The following SLC25A28 variants were observed in gnomAD, a reference collection of about 807,000 sequenced individuals.
The protein encoded by SLC25A28 is mitoferrin-2.
A neutral mutation model predicts 31.9 loss-of-function variants in SLC25A28; 10 were observed. The observed-to-expected ratio is 0.31, with a 90% CI of 0.19 to 0.53. The LOEUF (loss-of-function observed/expected upper bound fraction) is 0.53. Among genes scored for constraint, SLC25A28 ranks in the 20% least tolerant of loss-of-function variants. SLC25A28 has a pLI of 0.95. For synonymous variants in SLC25A28, 208 were observed against 203.6 expected, an observed-to-expected ratio of 1.02 and a Z score of -0.19; for missense variants, 256 against 490.3, an observed-to-expected ratio of 0.52 and a Z score of 4.51.
the SLC25A28 span, among the ~76,000 whole-genome samples, chr10:99,649,809 C>T: frequency 6.6e-6 from 1 of 152,158 alleles, no homozygotes; most frequent in East Asian, 1.9e-4. Flanking sequence ...TTTAATGTCT[C>T]ATTTTTCATA....
chr10:99,648,629 T>G, the SLC25A28 span, among the ~76,000 whole-genome samples: 1 of 152,028 alleles, frequency 6.6e-6, no homozygotes, highest in Non-Finnish European at 1.5e-5. Context: ...CTTTCATCAA[T>G]GTTTTGTAGT....
At chr10:99,648,895 A>G in the SLC25A28 span, among the ~76,000 whole-genome samples, 2 of 152,174 alleles carry the variant, frequency 1.3e-5, no homozygotes, top group African/African-American at 2.4e-5. Flanking sequence ...AGATCATATC[A>G]TCAGCAAACA....
intron 1 of SLC25A28, among the ~76,000 whole-genome samples, chr10:99,614,580 C>T (rs7076270): frequency 0.85 from 129,176 of 152,224 alleles, 54,986 homozygotes; most frequent in Middle Eastern, 0.92. Context: ...CTAATTTAAA[C>T]TGATTGAATC....
chr10:99,623,164 G>C (rs1313073738), upstream of SLC25A28, among the ~76,000 whole-genome samples: 3 of 152,188 alleles, frequency 2.0e-5, no homozygotes, highest in Non-Finnish European at 2.9e-5. Context: ...GCCAGCAGAA[G>C]GAACAGTAGG....
upstream of SLC25A28, chr10:99,620,695 AG>A: frequency 1.0e-6 from 1 of 986,188 alleles, no homozygotes; most frequent in South Asian, 4.7e-5. Context: ...GACTTTTAGA[AG>A]GGCGGGAGAA....
chr10:99,656,531 A>C, the SLC25A28 span, among the ~76,000 whole-genome samples: 1 of 152,180 alleles, frequency 6.6e-6, no homozygotes, highest in Non-Finnish European at 1.5e-5. Context: ...AGACAGGTGA[A>C]GAGAGATGGG....
chr10:99,610,839 C>A lies in SLC25A28; in HGVS notation c.*10G>T. ...TGTCATCTGAACCCCTGGCTTCGTT[C>A]AGTGCTACTTCACTTGCCAGCCCTC... On this transcript the variant is annotated 3_prime_UTR_variant, in exon 4 of 4. Transcript: ENST00000370495. 2 of 1,609,160 alleles carry A rather than the reference C, an allele frequency of 1.2e-6. No individual in the cohort carries two copies. Among genetic ancestry groups the A allele is most frequent in the South Asian group, 2.2e-5 (2 of 90,722 alleles).
the SLC25A28 span, among the ~76,000 whole-genome samples, chr10:99,646,072 ACTACT>A: frequency 6.6e-6 from 1 of 152,214 alleles, no homozygotes; most frequent in Admixed American, 6.5e-5. Flanking sequence ...TGGGAGAACC[ACTACT>A]CTCTTCAAAT....
chr10:99,647,435 T>A, the SLC25A28 span, among the ~76,000 whole-genome samples: 10 of 152,348 alleles, frequency 6.6e-5, no homozygotes, highest in South Asian at 2.1e-3. Flanking sequence ...CTTTTTCTTA[T>A]ATTCTTTGGC....
chr10:99,651,822 C>T, the SLC25A28 span, among the ~76,000 whole-genome samples: 1 of 151,940 alleles, frequency 6.6e-6, no homozygotes, highest in Non-Finnish European at 1.5e-5. Flanking sequence ...TGGCCGTGAA[C>T]TCCTCCCACC....
At chr10:99,638,658 A>G in the SLC25A28 span, among the ~76,000 whole-genome samples, 2 of 152,346 alleles carry the variant, frequency 1.3e-5, no homozygotes, top group Non-Finnish European at 2.9e-5. Flanking sequence ...AAGAAGATAT[A>G]CAAATGGCCA....
chr10:99,627,223 A>AGATT, the SLC25A28 span, among the ~76,000 whole-genome samples: 1 of 152,122 alleles, frequency 6.6e-6, no homozygotes, highest in African/African-American at 2.4e-5. Flanking sequence ...CCTAGGCGAC[A>AGATT]GACCGAGACA....
chr10:99,626,127 C>T, the SLC25A28 span, among the ~76,000 whole-genome samples: 2 of 152,220 alleles, frequency 1.3e-5, no homozygotes, highest in East Asian at 3.8e-4. Flanking sequence ...CTACCCCCTT[C>T]TCTGAACTGC....
chr10:99,616,621 A>T (rs1470380644), intron 1 of SLC25A28: 1 of 985,208 alleles, frequency 1.0e-6, no homozygotes, highest in Non-Finnish European at 1.2e-6. Context: ...GGCTATAATG[A>T]TTTACATGTC....
the SLC25A28 span, among the ~76,000 whole-genome samples, chr10:99,628,165 G>T: frequency 6.6e-6 from 1 of 152,112 alleles, no homozygotes; most frequent in Non-Finnish European, 1.5e-5. Flanking sequence ...ATCTCTCTTG[G>T]GACTATGATA....
At chr10:99,655,060 A>G in the SLC25A28 span, among the ~76,000 whole-genome samples, 1 of 152,254 alleles carries the variant, frequency 6.6e-6, no homozygotes, top group Admixed American at 6.5e-5. Context: ...TGCTTGACAA[A>G]TGCTTGAGGG....
Position 99,611,281 on chromosome 10 carries a change from G to A in SLC25A28, c.663C>T (p.Ala221=), listed in dbSNP as rs370504991. 10 of 1,613,948 alleles carry A rather than the reference G, an allele frequency of 6.2e-6. No homozygotes were observed. The highest frequency in any genetic ancestry group is 5.3e-5 in the African/African-American group (4 of 74,896). Residue 221 remains alanine, a synonymous_variant, in exon 4 of 4, where the codon GCC becomes GCT. Coordinates refer to ENST00000370495, the MANE Select transcript of SLC25A28 (RefSeq NM_031212.4). This position sits in a 1 kb window ranked among gnomAD's most constrained non-coding sequence, Gnocchi z 5.5. The part of the protein sequence containing the change: ...CVRAVWQNEG[A]GAFYRSYTTQ... ...TGGTGTAGCTGCGGTAAAAGGCCCC[G>A]GCCCCTTCATTTTGCCACACTGCCC...
Position 99,616,076 on chromosome 10 carries a change from A to G in SLC25A28, c.292-2152T>C, listed in dbSNP as rs574762412. 9.1e-6 allele frequency: 9 copies of G among 985,444 alleles called. No individual in the cohort carries two copies. In the African/African-American group the frequency reaches 1.2e-4, roughly 13 times the overall value. The allele number at this position is 985,444 out of a possible 1,614,324, so 61.0% of individuals were successfully genotyped here. ...ATATAAAAATGAATATGGCTCCCCA[A>G]ATTTGTGGGCCAATAAATCTGCCTT... is the stretch of plus-strand genomic sequence containing the variant. On this transcript the variant is annotated intron_variant, in intron 1 of 3. Coordinates refer to ENST00000370495, the MANE Select transcript of SLC25A28 (RefSeq NM_031212.4).
chr10:99,651,761 T>G, the SLC25A28 span, among the ~76,000 whole-genome samples: 2 of 151,858 alleles, frequency 1.3e-5, no homozygotes, highest in African/African-American at 4.8e-5. Flanking sequence ...TGGCATATAT[T>G]TTTATTTTTA....
Sources: gnomAD v4.1 joint callset for allele counts (sites outside exome capture counted in the v4.1 genomes callset) on GRCh38, gnomAD v4.1.1 for gene constraint, Gnocchi (gnomAD v3.1) non-coding constraint, MANE v1.5 for transcripts, NCBI Gene and HGNC (gene_info 2026-07-23, HGNC 2026-07-21) for gene names.